The following AUTS2 variants were observed in gnomAD, a reference collection of about 807,000 sequenced individuals.
The protein encoded by AUTS2 is activator of transcription and developmental regulator AUTS2, also known as autism susceptibility gene 2 protein.
AUTS2 carries 17 observed loss-of-function variants against 112.4 expected under a neutral mutation model. The ratio of observed to expected loss-of-function variants is 0.15; its 90% CI spans 0.10 to 0.23. The LOEUF is 0.23. Among genes scored for constraint, AUTS2 ranks in the 10% least tolerant of loss-of-function variants. The probability of loss-of-function intolerance (pLI) is 1.00; values close to 1 mark genes in which losing one functional copy is unlikely to be tolerated. For missense variants in AUTS2, 1,510 were observed against 1,701.6 expected, an observed-to-expected ratio of 0.89 and a Z score of 1.98; for synonymous variants, 751 against 702.7, an observed-to-expected ratio of 1.07 and a Z score of -1.09.
At chr7:69,634,183 A>C (rs1478404432) in intron 1 of AUTS2, among the ~76,000 whole-genome samples, 1 of 150,552 alleles carries the variant, frequency 6.6e-6, no homozygotes, top group South Asian at 2.1e-4. Flanking sequence ...GCAGTGGCGC[A>C]ATCTCGGCTC....
At chr7:69,643,887 T>C (rs958578249) in intron 1 of AUTS2, among the ~76,000 whole-genome samples, 3 of 152,176 alleles carry the variant, frequency 2.0e-5, no homozygotes, top group African/African-American at 7.2e-5. Flanking sequence ...GAGGCTGCAG[T>C]GAGCCTTGAT....
At chr7:70,655,713 A>G (rs2129542221) in intron 5 of AUTS2, among the ~76,000 whole-genome samples, 1 of 152,198 alleles carries the variant, frequency 6.6e-6, no homozygotes, top group Non-Finnish European at 1.5e-5. Flanking sequence ...ACCAATCACT[A>G]CCTTCCCTGG....
At chr7:69,824,044 A>C (rs188142935) in intron 1 of AUTS2, among the ~76,000 whole-genome samples, 2 of 152,276 alleles carry the variant, frequency 1.3e-5, no homozygotes, top group Admixed American at 1.3e-4. Flanking sequence ...AGATATTGTG[A>C]GGATTTTGTG....
At chr7:70,077,911 CA>C (rs1803113284) in intron 2 of AUTS2, among the ~76,000 whole-genome samples, 5 of 152,172 alleles carry the variant, frequency 3.3e-5, no homozygotes, top group Admixed American at 2.6e-4. Context: ...TGAATTCTAC[CA>C]CCCTGAAGTA....
At chr7:70,231,175 T>A (rs1392037592) in intron 4 of AUTS2, among the ~76,000 whole-genome samples, 1 of 152,256 alleles carries the variant, frequency 6.6e-6, no homozygotes, top group Non-Finnish European at 1.5e-5. Flanking sequence ...GCCAACCTCC[T>A]CACTCAGCCA....
intron 1 of AUTS2, among the ~76,000 whole-genome samples, chr7:69,753,359 T>C (rs1178301122): frequency 1.3e-5 from 2 of 152,158 alleles, no homozygotes; most frequent in Non-Finnish European, 2.9e-5. Flanking sequence ...GATCTGTTTT[T>C]TTTTTTCTTT....
chr7:70,743,555 G>A (rs940919752), intron 6 of AUTS2, among the ~76,000 whole-genome samples: 7 of 150,654 alleles, frequency 4.6e-5, no homozygotes, highest in Admixed American at 2.6e-4. Flanking sequence ...ATAAATTCAC[G>A]TTTGTTAGGG....
Position 69,598,780 on chromosome 7 carries a change from G to C in AUTS2, c.-874G>C, listed in dbSNP as rs914466386. On this transcript the variant is annotated 5_prime_UTR_variant, in exon 1 of 19. Coordinates refer to ENST00000342771, the MANE Select transcript of AUTS2 (RefSeq NM_015570.4). ...CTGGAAAAAATATTTTTGTGAGGAG[G>C]GGGGCGGGTGGCAGCGACAGGGTTT... 3.3e-5 allele frequency: 5 copies of C among 153,362 alleles called. No individual in the cohort carries two copies. The highest frequency in any genetic ancestry group is 1.2e-4 in the African/African-American group (5 of 41,408). The allele number at this position is 153,362 out of a possible 1,614,324, so 9.5% of individuals were successfully genotyped here.
At chr7:69,747,406 T>C (rs1787540973) in intron 1 of AUTS2, among the ~76,000 whole-genome samples, 1 of 152,200 alleles carries the variant, frequency 6.6e-6, no homozygotes, top group African/African-American at 2.4e-5. Flanking sequence ...GTTAATAAGT[T>C]CTTAGTAAAT....
At chr7:70,227,971 T>C (rs1199180464) in intron 4 of AUTS2, among the ~76,000 whole-genome samples, 1 of 152,052 alleles carries the variant, frequency 6.6e-6, no homozygotes, top group Non-Finnish European at 1.5e-5. Flanking sequence ...TATATTCTTG[T>C]TGGTTTTCTA....
intron 1 of AUTS2, among the ~76,000 whole-genome samples, chr7:69,829,139 G>A (rs1198003981): frequency 2.6e-5 from 4 of 152,052 alleles, no homozygotes; most frequent in Non-Finnish European, 5.9e-5. Flanking sequence ...CAAGCAATGG[G>A]GAAAGGATTC....
At chr7:69,904,161 G>A (rs531282491) in intron 2 of AUTS2, among the ~76,000 whole-genome samples, 1 of 152,280 alleles carries the variant, frequency 6.6e-6, no homozygotes, top group African/African-American at 2.4e-5. Flanking sequence ...AGGTGACTGA[G>A]CCACCCTCTC....
chr7:69,905,563 GGA>G (rs372665985), intron 2 of AUTS2, among the ~76,000 whole-genome samples: 1 of 151,850 alleles, frequency 6.6e-6, no homozygotes, highest in Non-Finnish European at 1.5e-5. Context: ...CCCAGCTCTA[GGA>G]GAGAGAGAGA....
intron 1 of AUTS2, among the ~76,000 whole-genome samples, chr7:69,666,734 C>A (rs1299834451): frequency 2.0e-5 from 3 of 151,986 alleles, no homozygotes; most frequent in African/African-American, 7.2e-5. Context: ...AGACTCCCAT[C>A]TTGACAAAAA....
intron 5 of AUTS2, among the ~76,000 whole-genome samples, chr7:70,459,182 C>CATT (rs576718251): frequency 3.9e-5 from 6 of 152,180 alleles, no homozygotes; most frequent in Non-Finnish European, 8.8e-5. Context: ...TTCTTCAGGT[C>CATT]ATTAGTCATG....
At chr7:69,688,770 C>G (rs988697804) in intron 1 of AUTS2, among the ~76,000 whole-genome samples, 2 of 152,154 alleles carry the variant, frequency 1.3e-5, no homozygotes, top group Non-Finnish European at 2.9e-5. Flanking sequence ...ACAGAGCTCT[C>G]CCTATCTTCC....
intron 6 of AUTS2, among the ~76,000 whole-genome samples, chr7:70,724,152 A>G (rs1466197613): frequency 6.6e-6 from 1 of 152,170 alleles, no homozygotes; most frequent in Non-Finnish European, 1.5e-5. Context: ...TCGGCCTCTC[A>G]AAGTGTTGGG....
In AUTS2 at chr7:69,920,707, T is replaced by G. The variant is rs548264540; in HGVS notation, c.522+21209T>G. ...ATGAAATTGATAAGATACAGTATTT[T>G]CTTCCTAGACTGTTCAACACTGGCG... On this transcript the variant is annotated intron_variant, in intron 2 of 18. Transcript: ENST00000342771. 7.9e-5 allele frequency among the ~76,000 whole-genome samples: 12 copies of G among 152,316 alleles called. No homozygotes were observed. The South Asian group carries it at 2.5e-3, about 32-fold the overall frequency.
intron 4 of AUTS2, among the ~76,000 whole-genome samples, chr7:70,413,863 C>T (rs931227982): frequency 1.3e-5 from 2 of 151,982 alleles, no homozygotes; most frequent in Non-Finnish European, 2.9e-5. Context: ...TTTGTAGAGA[C>T]GGGATTTCAC....
Sources: allele counts gnomAD v4.1 joint callset (sites outside exome capture counted in the v4.1 genomes callset), GRCh38; gene constraint gnomAD v4.1.1; transcripts MANE v1.5; gene names NCBI Gene and HGNC (gene_info 2026-07-23, HGNC 2026-07-21).